DCST2: variants seen among roughly 807,000 people sequenced by gnomAD.
The protein encoded by DCST2 is DC-STAMP domain-containing protein 2.
A neutral mutation model predicts 81.8 loss-of-function variants in DCST2; 64 were observed. The observed-to-expected ratio is 0.78, with a 90% CI of 0.64 to 0.96. DCST2 has a LOEUF of 0.96. Among genes scored for constraint, DCST2 ranks in the 40% least tolerant of loss-of-function variants. The pLI, the probability that DCST2 is intolerant of heterozygous loss-of-function variation, is 0.00. For synonymous variants in DCST2, 354 were observed against 402.6 expected, an observed-to-expected ratio of 0.88 and a Z score of 1.44; for missense variants, 945 against 1,001.4, an observed-to-expected ratio of 0.94 and a Z score of 0.76.
chr1:155,024,014 C>T, intron 11 of DCST2, 55 bp from the exon 12 acceptor site: 1 of 1,581,446 alleles, frequency 6.3e-7, no homozygotes, highest in Non-Finnish European at 8.6e-7. Flanking sequence ...TTAACCCTCC[C>T]CACTCCAGCA....
Position 155,031,739 on chromosome 1 carries a change from G to A in DCST2, c.574C>T (p.Leu192=). The A allele has an allele frequency of 6.2e-7, 1 of 1,614,082 alleles. No homozygotes were observed. The highest frequency in any genetic ancestry group is 1.1e-5 in the South Asian group (1 of 91,086). ...RALRNVWQWL[L]HIGDVCNSEL... ...GAGTTGCACACATCGCCGATGTGCA[G>A]GAGCCACTGCCACACATTCCGGAGA... Residue 192 remains leucine (L), a synonymous_variant, in exon 4 of 15, where the codon CTG becomes TTG. Transcript: ENST00000368424.
chr1:155,023,012 T>G, intron 14 of DCST2, 105 bp downstream of exon 14: 1 of 1,504,286 alleles, frequency 6.6e-7, no homozygotes, highest in South Asian at 1.3e-5. Context: ...CATGTCTGTT[T>G]CAAGCCCTGG....
At chr1:155,023,075 G>C (rs1284449149) in intron 14 of DCST2, 42 bp downstream of exon 14, 1 of 1,597,616 alleles carries the variant, frequency 6.3e-7, no homozygotes, top group African/African-American at 1.3e-5. Context: ...AACATGCTTA[G>C]GACTCACAAT....
intron 14 of DCST2, among the ~76,000 whole-genome samples, chr1:155,022,582 T>C (rs1453912676): frequency 6.6e-6 from 1 of 151,750 alleles, no homozygotes; most frequent in Non-Finnish European, 1.5e-5. Flanking sequence ...ATAATAATAA[T>C]AACAAAATAA....
intron 10 of DCST2, among the ~76,000 whole-genome samples, chr1:155,024,846 C>T (rs1014840677): frequency 1.3e-5 from 2 of 152,144 alleles, no homozygotes; most frequent in African/African-American, 4.8e-5. Flanking sequence ...TAAATTACAA[C>T]GTCTTGTTAA....
At chr1:155,023,486 A>G (rs369407466) in intron 12 of DCST2, 29 bp from the exon 13 acceptor site, 10 of 1,562,506 alleles carry the variant, frequency 6.4e-6, no homozygotes, top group Non-Finnish European at 8.7e-6. Flanking sequence ...AATGGAGGTG[A>G]ACCCGAGTTC....
intron 14 of DCST2, among the ~76,000 whole-genome samples, chr1:155,019,786 C>T (rs189632116): frequency 6.6e-5 from 10 of 152,348 alleles, no homozygotes; most frequent in East Asian, 5.8e-4. Context: ...CATAACTGAG[C>T]GCACTGGAGC....
chr1:155,026,680 C>T lies in DCST2; in HGVS notation c.1378G>A (p.Gly460Ser). The T allele has an allele frequency of 6.2e-7, 1 of 1,614,208 alleles. No homozygotes were observed. Among genetic ancestry groups the T allele is most frequent in the Non-Finnish European group, 8.5e-7 (1 of 1,180,050 alleles). ...VLVSLTVEGT[G>S]YAGNIYRDLV... ...TCACGATAAATATTCCCAGCGTAGC[C>T]AGTACCTTCCACGGTTAGAGACACC... The change falls in exon 9 of 15, where the codon GGC (glycine) becomes AGC (serine). Residue 460 changes from glycine to serine, a missense_variant. Coordinates refer to ENST00000368424, the MANE Select transcript of DCST2 (RefSeq NM_144622.3).
chr1:155,020,788 C>CT (rs1266915209), intron 14 of DCST2, among the ~76,000 whole-genome samples: 3 of 152,020 alleles, frequency 2.0e-5, no homozygotes, highest in Non-Finnish European at 4.4e-5. Context: ...TGCCTGTCAC[C>CT]TGTCTTCACA....
chr1:155,026,267 G>C (rs1040992315), intron 10 of DCST2, 35 bp downstream of exon 10: 12 of 1,608,022 alleles, frequency 7.5e-6, no homozygotes, highest in Non-Finnish European at 1.0e-5. Flanking sequence ...CCTGGGGAGG[G>C]GGCAGGGACT....
At chr1:155,019,468 C>A (rs1189332403) in intron 14 of DCST2, among the ~76,000 whole-genome samples, 1 of 152,246 alleles carries the variant, frequency 6.6e-6, no homozygotes, top group Admixed American at 6.5e-5. Flanking sequence ...CCCACTCAGA[C>A]GTCTTCCTCA....
chr1:155,023,808 G>T, intron 12 of DCST2, 24 bp downstream of exon 12: 1 of 1,612,180 alleles, frequency 6.2e-7, no homozygotes, highest in Non-Finnish European at 8.5e-7. Flanking sequence ...AGCAGGGAGA[G>T]GCACACGCCC....
At chr1:155,029,548 C>A in intron 7 of DCST2, 151 bp from the exon 8 acceptor site, 1 of 803,674 alleles carries the variant, frequency 1.2e-6, no homozygotes, top group Non-Finnish European at 2.0e-6. Flanking sequence ...AGGACTCTGG[C>A]AAGGATGGAA....
At chr1:155,031,973 T>A (rs889741076) in intron 3 of DCST2, among the ~76,000 whole-genome samples, 32 of 152,130 alleles carry the variant, frequency 2.1e-4, no homozygotes, top group Admixed American at 2.6e-4. Flanking sequence ...GACTGAATTT[T>A]TTTGTTTCTG....
chr1:155,023,592 G>A (rs761865870), intron 12 of DCST2, 135 bp from the exon 13 acceptor site: 14 of 1,546,408 alleles, frequency 9.1e-6, no homozygotes, highest in South Asian at 1.2e-5. Context: ...ACACTAGGGA[G>A]CTGCTGCAAT....
intron 11 of DCST2, 143 bp from the exon 12 acceptor site, chr1:155,024,102 C>T: frequency 8.2e-7 from 1 of 1,216,450 alleles, no homozygotes; most frequent in Non-Finnish European, 1.1e-6. Context: ...GCAGCAACCT[C>T]TCCATGGCCC....
intron 14 of DCST2, among the ~76,000 whole-genome samples, chr1:155,022,488 T>C (rs1470493215): frequency 6.6e-6 from 1 of 152,126 alleles, no homozygotes; most frequent in Non-Finnish European, 1.5e-5. Context: ...CCCAGCACTT[T>C]GGAAGGCCAA....
chr1:155,031,515 T>TCTCCCCCC, intron 4 of DCST2, 59 bp downstream of exon 4: 1 of 643,126 alleles, frequency 1.6e-6, no homozygotes, highest in Non-Finnish European at 2.9e-6. Context: ...ACCCCCACAT[T>TCTCCCCCC]CCCACCCCAC....
rs1660155704 is a variant in DCST2 at position 155,033,230 on chromosome 1, A to C, written c.303T>G (p.Phe101Leu). The change falls in exon 2 of 15, where the codon TTT (phenylalanine) becomes TTG (leucine). Residue 101 changes from phenylalanine (F) to leucine (L), a missense_variant. Phe to Leu is a conservative substitution (Grantham distance 22). Coordinates refer to ENST00000368424, the MANE Select transcript of DCST2 (RefSeq NM_144622.3). ...QGRTLLLVAAFGLVLQGPCAN... is the reference protein window; with the variant it reads ...QGRTLLLVAALGLVLQGPCAN... The stretch of plus-strand genomic sequence containing the variant: ...CACAAGGCCCTTGAAGCACCAACCC[A>C]AAAGCAGCCACCAACAGTAGTGTCC... 6.2e-7 allele frequency: 1 copy of C among 1,613,742 alleles called. No homozygotes were observed. Among genetic ancestry groups the C allele is most frequent in the Admixed American group, 1.7e-5 (1 of 59,938 alleles).
Sources: gnomAD v4.1 joint callset for allele counts (sites outside exome capture counted in the v4.1 genomes callset) on GRCh38, gnomAD v4.1.1 for gene constraint, MANE v1.5 for transcripts, NCBI Gene and HGNC (gene_info 2026-07-23, HGNC 2026-07-21) for gene names.